The following GRM1 variants were observed in gnomAD, a reference collection of about 807,000 sequenced individuals.
GRM1 encodes the protein glutamate metabotropic receptor 1.
A neutral mutation model predicts 90.9 loss-of-function variants in GRM1; 33 were observed. The observed-to-expected ratio is 0.36, with a 90% CI of 0.28 to 0.49. The LOEUF (loss-of-function observed/expected upper bound fraction) is 0.49. Ranked by LOEUF, GRM1 falls within the 20% of genes least tolerant of loss-of-function variation. The pLI is 0.99. For synonymous variants in GRM1, 700 were observed against 613.2 expected (o/e 1.14, Z -2.09); for missense variants, 1,190 against 1,534.3 (o/e 0.78, Z 3.75).
intron 2 of GRM1, among the ~76,000 whole-genome samples, chr6:146,264,745 T>A (rs1322649075): frequency 2.0e-5 from 3 of 152,176 alleles, no homozygotes. Flanking sequence ...TGTCCATGTG[T>A]GCCCATTGCT....
chr6:146,411,948 C>A (rs1777585721), intron 7 of GRM1, among the ~76,000 whole-genome samples: 1 of 152,098 alleles, frequency 6.6e-6, no homozygotes, highest in Non-Finnish European at 1.5e-5. Context: ...GGCCACAGAT[C>A]TCTGTAAGGT....
intron 1 of GRM1, among the ~76,000 whole-genome samples, chr6:146,041,721 G>A (rs1299944747): frequency 6.6e-6 from 1 of 151,920 alleles, no homozygotes. Context: ...GATCTTCACA[G>A]CCTCAGCTTC....
chr6:146,304,474 A>C, intron 2 of GRM1, 137 bp from the exon 3 acceptor site: 3 of 715,562 alleles, frequency 4.2e-6, no homozygotes, highest in Non-Finnish European at 2.5e-6. Flanking sequence ...CTACCAAAAA[A>C]AAAGTTGATG....
intron 2 of GRM1, among the ~76,000 whole-genome samples, chr6:146,200,358 C>T (rs889629984): frequency 1.3e-5 from 2 of 152,178 alleles, no homozygotes; most frequent in Non-Finnish European, 2.9e-5. Context: ...ATCAATCCAA[C>T]TTAGCAATAA....
intron 2 of GRM1, among the ~76,000 whole-genome samples, chr6:146,186,778 A>G (rs1381818710): frequency 1.3e-5 from 2 of 152,184 alleles, no homozygotes; most frequent in Non-Finnish European, 2.9e-5. Context: ...CACCCACAAC[A>G]TTTTAGTGAT....
chr6:146,244,620 T>C (rs1437259824), intron 2 of GRM1, among the ~76,000 whole-genome samples: 1 of 152,236 alleles, frequency 6.6e-6, no homozygotes, highest in Non-Finnish European at 1.5e-5. Flanking sequence ...GGCAGGGTTT[T>C]GGGGTAGCCT....
At chr6:146,364,304 G>A (rs1390454529) in intron 5 of GRM1, among the ~76,000 whole-genome samples, 2 of 152,080 alleles carry the variant, frequency 1.3e-5, no homozygotes, top group African/African-American at 2.4e-5. Flanking sequence ...TTTCCTCCAC[G>A]ACAGTGTGAG....
intron 2 of GRM1, among the ~76,000 whole-genome samples, chr6:146,233,838 T>G (rs1238969313): frequency 6.6e-6 from 1 of 152,074 alleles, no homozygotes; most frequent in Non-Finnish European, 1.5e-5. Flanking sequence ...TGGTTTAGCT[T>G]TCTATATCTT....
chr6:146,186,214 G>C (rs1467754336), intron 2 of GRM1, among the ~76,000 whole-genome samples: 1 of 151,280 alleles, frequency 6.6e-6, no homozygotes, highest in Non-Finnish European at 1.5e-5. Flanking sequence ...CTGACCTCAA[G>C]TGATTCACCC....
chr6:146,097,022 A>T (rs1276716204), intron 1 of GRM1, among the ~76,000 whole-genome samples: 1 of 152,144 alleles, frequency 6.6e-6, no homozygotes, highest in African/African-American at 2.4e-5. Context: ...TGGCAATAGT[A>T]AATTGAGGAA....
chr6:146,426,431 C>A (rs1434608720), intron 7 of GRM1: 2 of 778,614 alleles, frequency 2.6e-6, no homozygotes, highest in Non-Finnish European at 4.4e-6. Flanking sequence ...GACCATAGAG[C>A]AAACGGAGGT....
intron 2 of GRM1, among the ~76,000 whole-genome samples, chr6:146,284,174 TCACA>T (rs754999340): frequency 6.6e-6 from 1 of 152,134 alleles, no homozygotes; most frequent in Non-Finnish European, 1.5e-5. Flanking sequence ...AGACTCATAG[TCACA>T]CATCTGATCC....
rs1452410570 is a variant in GRM1, at chr6:146,399,689, G to A, written c.2650G>A (p.Gly884Arg). 1.2e-6 allele frequency: 2 copies of A among 1,609,144 alleles called. No individual in the cohort carries two copies. The highest frequency in any genetic ancestry group is 1.7e-6 in the Non-Finnish European group (2 of 1,178,168). Residue 884 changes from glycine to arginine, a missense_variant, in exon 7 of 8, where the codon GGG becomes AGG. Gly to Arg is a moderately radical substitution (Grantham distance 125). Coordinates refer to ENST00000282753, the MANE Select transcript of GRM1 (RefSeq NM_001278064.2). This position sits in a 1 kb window ranked among gnomAD's most constrained non-coding sequence, Gnocchi z 5.4. ...NIFRRKKAGA[G>R]NANSNGKSVS... ...CTTCCGAAGAAAGAAGGCAGGGGCA[G>A]GGAATGCCAAGTGAGTTATCTGACC...
chr6:146,175,064 T>G (rs2114523375), intron 2 of GRM1, among the ~76,000 whole-genome samples: 1 of 152,302 alleles, frequency 6.6e-6, no homozygotes, highest in African/African-American at 2.4e-5. Flanking sequence ...GATATCCTGT[T>G]ACTTTTGCCA....
chr6:146,255,571 G>T (rs1033022136), intron 2 of GRM1, among the ~76,000 whole-genome samples: 1 of 152,050 alleles, frequency 6.6e-6, no homozygotes, highest in Non-Finnish European at 1.5e-5. Flanking sequence ...ATTTTAAGGT[G>T]TATCATTTCT....
intron 2 of GRM1, among the ~76,000 whole-genome samples, chr6:146,291,010 C>T (rs932840618): frequency 6.6e-6 from 1 of 152,094 alleles, no homozygotes; most frequent in African/African-American, 2.4e-5. Flanking sequence ...TCATAATTTC[C>T]CGGACCTGTG....
intron 7 of GRM1, among the ~76,000 whole-genome samples, chr6:146,400,628 C>T (rs1777124339): frequency 6.6e-6 from 1 of 151,840 alleles, no homozygotes; most frequent in African/African-American, 2.4e-5. Flanking sequence ...TTTCTGTGAC[C>T]CATGAAAACA....
At chr6:146,341,691 C>T (rs1426003182) in intron 3 of GRM1, among the ~76,000 whole-genome samples, 1 of 152,162 alleles carries the variant, frequency 6.6e-6, no homozygotes, top group African/African-American at 2.4e-5. Context: ...AACATTGGCC[C>T]AGAGATGCTA....
chr6:146,232,716 A>G (rs910357263), intron 2 of GRM1, among the ~76,000 whole-genome samples: 1 of 152,006 alleles, frequency 6.6e-6, no homozygotes, highest in African/African-American at 2.4e-5. Context: ...GTTATATTGC[A>G]TTAAGGCTCA....
Sources: allele counts gnomAD v4.1 joint callset (sites outside exome capture counted in the v4.1 genomes callset), GRCh38; gene constraint gnomAD v4.1.1; non-coding constraint Gnocchi (gnomAD v3.1); transcripts MANE v1.5; gene names NCBI Gene and HGNC (gene_info 2026-07-23, HGNC 2026-07-21).